FLI1: variants seen among roughly 807,000 people sequenced by gnomAD.
FLI1 encodes Fli-1 proto-oncogene, ETS transcription factor, also known as Friend leukemia integration 1 transcription factor.
A neutral mutation model predicts 53.1 loss-of-function variants in FLI1; 13 were observed. The observed-to-expected ratio is 0.24, with a 90% CI of 0.16 to 0.39. FLI1 has a LOEUF of 0.39. Among genes scored for constraint, FLI1 ranks in the 10% least tolerant of loss-of-function variants. FLI1 has a pLI of 1.00. For synonymous variants in FLI1, 244 were observed against 236.7 expected, an observed-to-expected ratio of 1.03 and a Z score of -0.28; for missense variants, 424 against 600.5, an observed-to-expected ratio of 0.71 and a Z score of 3.07.
At chr11:128,702,876 A>AG (rs1443978211) in intron 1 of FLI1, among the ~76,000 whole-genome samples, 1 of 151,950 alleles carries the variant, frequency 6.6e-6, no homozygotes, top group Non-Finnish European at 1.5e-5. Flanking sequence ...AAAAAAAAAA[A>AG]AAACATGGAG....
intron 1 of FLI1, among the ~76,000 whole-genome samples, chr11:128,732,470 G>T (rs1049469189): frequency 6.6e-6 from 1 of 152,218 alleles, no homozygotes; most frequent in African/African-American, 2.4e-5. Context: ...GGGGACACAG[G>T]TGAACAAAAC....
At chr11:128,722,835 C>T (rs999058985) in intron 1 of FLI1, among the ~76,000 whole-genome samples, 1 of 152,192 alleles carries the variant, frequency 6.6e-6, no homozygotes, top group East Asian at 1.9e-4. Context: ...CTCTGGGAAC[C>T]GCGGGGTGGG....
chr11:128,688,560 G>T (rs1049034704), intron 1 of FLI1, among the ~76,000 whole-genome samples: 10 of 152,134 alleles, frequency 6.6e-5, no homozygotes, highest in African/African-American at 2.2e-4. Flanking sequence ...GACAAACACC[G>T]CAGGCCCAGG....
chr11:128,728,442 C>T (rs768277592), intron 1 of FLI1, among the ~76,000 whole-genome samples: 14 of 152,268 alleles, frequency 9.2e-5, no homozygotes, highest in Non-Finnish European at 1.5e-4. Flanking sequence ...GGAGCTGGAC[C>T]GCCCTCTCTG....
At position 128,755,710 on chromosome 11, in the gene FLI1, G is replaced by T. The variant is rs144325511; in HGVS notation, c.19-2405G>T. Among the ~76,000 whole-genome samples the T allele has an allele frequency of 4.5e-3, 685 of 152,338 alleles. 14 individuals carry two copies. Among genetic ancestry groups the T allele is most frequent in the African/African-American group, 0.016 (653 of 41,580 alleles). ...CTCTGAGCATGACTCAAGGGCATCT[G>T]GTAGAAAATGAAGAAGGATCCCAGC... On this transcript the variant is annotated intron_variant, in intron 1 of 8. Transcript: ENST00000527786.
intron 1 of FLI1, among the ~76,000 whole-genome samples, chr11:128,709,462 G>A (rs1938694500): frequency 6.6e-6 from 1 of 152,114 alleles, no homozygotes; most frequent in Non-Finnish European, 1.5e-5. Context: ...TGCCCATGTA[G>A]ACACCATCCC....
Position 128,811,689 on chromosome 11 carries a change from T to C in FLI1, c.*701T>C, listed in dbSNP as rs1470640977. 1 of 204,904 alleles carries C rather than the reference T, an allele frequency of 4.9e-6. No homozygotes were observed. Among genetic ancestry groups the C allele is most frequent in the Non-Finnish European group, 1.0e-5 (1 of 100,038 alleles). The allele number at this position is 204,904 out of a possible 1,614,324, so 12.7% of individuals were successfully genotyped here. On this transcript the variant is annotated 3_prime_UTR_variant, in exon 9 of 9. Transcript: ENST00000527786. Reference sequence around the variant, plus strand: ...CCTGAAAGACGGGGAATTAAATTACTAATTTTTTTTTTTTTTTAAATGATG... The same window carrying C: ...CCTGAAAGACGGGGAATTAAATTACCAATTTTTTTTTTTTTTTAAATGATG...
At position 128,810,394 on chromosome 11, in the gene FLI1, A is replaced by G; in HGVS notation, c.830-65A>G. ...GATGAGAAGCTCCCTGCATTTAGGG[A>G]ACTGGGTTCTGCCTTCTCTGGGCTG... is the stretch of plus-strand genomic sequence containing the variant. On this transcript the variant is annotated intron_variant, in intron 8 of 8. Coordinates refer to ENST00000527786, the MANE Select transcript of FLI1 (RefSeq NM_002017.5). The surrounding 1 kb of genome is among the most constrained non-coding windows in gnomAD (Gnocchi z 6.6). 6.8e-7 allele frequency: 1 copy of G among 1,471,520 alleles called. No individual in the cohort carries two copies. Among genetic ancestry groups the G allele is most frequent in the Non-Finnish European group, 9.1e-7 (1 of 1,095,824 alleles). The allele number at this position is 1,471,520 out of a possible 1,614,324, so 91.2% of individuals were successfully genotyped here. A position where few individuals can be genotyped will look rare whatever the true frequency, so the allele number is the denominator to read the frequency against.
chr11:128,690,278 G>T (rs561543058), upstream of FLI1, among the ~76,000 whole-genome samples: 1 of 152,262 alleles, frequency 6.6e-6, no homozygotes, highest in South Asian at 2.1e-4. Flanking sequence ...TCGGATACCC[G>T]CTGCGGCCTC....
intron 3 of FLI1, among the ~76,000 whole-genome samples, chr11:128,770,951 G>A (rs1442756902): frequency 1.3e-5 from 2 of 152,200 alleles, no homozygotes; most frequent in East Asian, 3.9e-4. Context: ...TAACTCACAG[G>A]TGAGGTAAAG....
upstream of FLI1, chr11:128,693,138 G>A (rs1937826560): frequency 6.5e-6 from 1 of 152,710 alleles, no homozygotes. Flanking sequence ...GGGCCGTCGG[G>A]TCCGGGTAAG....
chr11:128,697,798 G>A (rs548227003), intron 1 of FLI1, among the ~76,000 whole-genome samples: 1 of 152,320 alleles, frequency 6.6e-6, no homozygotes, highest in African/African-American at 2.4e-5. Flanking sequence ...TATGTTGCAA[G>A]GCTCTGCACT....
intron 1 of FLI1, among the ~76,000 whole-genome samples, chr11:128,750,825 A>G (rs1442592311): frequency 6.6e-6 from 1 of 152,258 alleles, no homozygotes; most frequent in African/African-American, 2.4e-5. Flanking sequence ...AGGCACACAT[A>G]TGTGACAAAT....
intron 1 of FLI1, among the ~76,000 whole-genome samples, chr11:128,743,079 G>A (rs572265372): frequency 6.6e-5 from 10 of 152,182 alleles, no homozygotes; most frequent in African/African-American, 2.2e-4. Flanking sequence ...AAACCAGGTG[G>A]AAGTAGCAGT....
At chr11:128,690,358 C>T (rs552229749), upstream of FLI1, among the ~76,000 whole-genome samples, 1 of 152,308 alleles carries the variant, frequency 6.6e-6, no homozygotes, top group African/African-American at 2.4e-5. Flanking sequence ...GACATTCTGC[C>T]AGGCCTGGCA....
chr11:128,729,719 A>G (rs1184163195), intron 1 of FLI1, among the ~76,000 whole-genome samples: 3 of 151,948 alleles, frequency 2.0e-5, no homozygotes, highest in African/African-American at 4.8e-5. Flanking sequence ...CAGATCATTC[A>G]CCTCTCCTTC....
chr11:128,686,364 G>C (rs1388888629), upstream of FLI1: 1 of 456,308 alleles, frequency 2.2e-6, no homozygotes, highest in South Asian at 1.5e-5. Context: ...GGGCAGGGGA[G>C]AGTAAAAGGA....
intron 1 of FLI1, among the ~76,000 whole-genome samples, chr11:128,721,693 T>C (rs1939260649): frequency 6.6e-6 from 1 of 152,230 alleles, no homozygotes; most frequent in Non-Finnish European, 1.5e-5. Context: ...GGATGTTTAC[T>C]CTTGGCACTC....
chr11:128,699,983 A>G (rs1412715268), intron 1 of FLI1, among the ~76,000 whole-genome samples: 1 of 152,196 alleles, frequency 6.6e-6, no homozygotes, highest in Non-Finnish European at 1.5e-5. Context: ...TAGAACCCCA[A>G]TGGCAAAAGG....
Sources: gnomAD v4.1 joint callset for allele counts (sites outside exome capture counted in the v4.1 genomes callset) on GRCh38, gnomAD v4.1.1 for gene constraint, Gnocchi (gnomAD v3.1) non-coding constraint, MANE v1.5 for transcripts, NCBI Gene and HGNC (gene_info 2026-07-23, HGNC 2026-07-21) for gene names.